B4GALNT3: variants seen among roughly 807,000 people sequenced by gnomAD.
B4GALNT3 encodes beta-1,4-N-acetylgalactosaminyltransferase 3.
In B4GALNT3, 86 loss-of-function variants were observed where a neutral mutation model predicts 120.2. That is an observed-to-expected ratio of 0.72 (90% CI 0.60 to 0.86). The LOEUF (loss-of-function observed/expected upper bound fraction) is 0.86, where lower values mean the gene tolerates loss of function less well. B4GALNT3 is among the 40% of genes least tolerant of loss of function. The pLI, the probability that B4GALNT3 is intolerant of heterozygous loss-of-function variation, is 0.00. For synonymous variants in B4GALNT3, 518 were observed against 510.4 expected, an observed-to-expected ratio of 1.01 and a Z score of -0.20; for missense variants, 1,167 against 1,298.9, an observed-to-expected ratio of 0.90 and a Z score of 1.56.
rs1309903947 is a variant in B4GALNT3, at chr12:460,723, G to C, written c.169+178G>C. On this transcript the variant is annotated intron_variant, in intron 1 of 19. Transcript: ENST00000266383. The surrounding 1 kb of genome is among the most constrained non-coding windows in gnomAD (Gnocchi z 8.0). ...AGAGCTGCGGGCGGGGGAAGCCGCGGGGCCGAGCGCAGAATTCCCGAGCCC... is the reference window on the plus strand; with the variant it reads ...AGAGCTGCGGGCGGGGGAAGCCGCGCGGCCGAGCGCAGAATTCCCGAGCCC... Among the ~76,000 whole-genome samples the C allele has an allele frequency of 2.0e-5, 3 of 152,116 alleles. No individual in the cohort carries two copies. The highest frequency in any genetic ancestry group is 6.5e-5 in the Admixed American group (1 of 15,290).
intron 1 of B4GALNT3, among the ~76,000 whole-genome samples, chr12:472,648 A>G (rs535349451): frequency 9.8e-5 from 15 of 152,322 alleles, no homozygotes; most frequent in African/African-American, 3.4e-4. Flanking sequence ...AGTGTTAGCC[A>G]GGATGGTCTC....
rs193117082 is a variant in B4GALNT3 at position 545,460 on chromosome 12, T to C, written c.630T>C (p.Ser210=). 70 of 1,604,020 alleles carry C rather than the reference T, an allele frequency of 4.4e-5. 1 individual carries two copies. In the Admixed American group the frequency reaches 9.1e-4, roughly 21 times the overall value. ...TCTCAGGCCTCCAGCTGCTGGCCAGTGTGGGCAAGGTAAGGCCAGCTCAAC... is the reference window on the plus strand; with the variant it reads ...TCTCAGGCCTCCAGCTGCTGGCCAGCGTGGGCAAGGTAAGGCCAGCTCAAC... ...DQVSGLQLLA[S]VGKTGKEWTA... The change falls in exon 6 of 20, where the codon AGT becomes AGC. Residue 210 remains serine, a synonymous_variant. Transcript: ENST00000266383.
At chr12:478,267 AAAAAATTAG>A (rs1295289756) in intron 1 of B4GALNT3, among the ~76,000 whole-genome samples, 3 of 106,320 alleles carry the variant, frequency 2.8e-5, no homozygotes, top group African/African-American at 1.2e-4. Context: ...AAAAAAAAAA[AAAAAATTAG>A]AGGAGGTAAA....
intron 1 of B4GALNT3, among the ~76,000 whole-genome samples, chr12:500,178 C>G (rs971892882): frequency 6.6e-6 from 1 of 152,090 alleles, no homozygotes. Flanking sequence ...GGGTCTTGCT[C>G]TGTCACCCAG....
intron 5 of B4GALNT3, 74 bp from the exon 6 acceptor site, chr12:545,295 A>C: frequency 6.5e-7 from 1 of 1,535,944 alleles, no homozygotes. Context: ...AATCGCTAAG[A>C]CACTCACAAA....
intron 5 of B4GALNT3, 73 bp from the exon 6 acceptor site, chr12:545,296 C>T (rs1028552780): frequency 2.5e-5 from 39 of 1,536,442 alleles, no homozygotes; most frequent in Middle Eastern, 3.4e-4. Context: ...ATCGCTAAGA[C>T]ACTCACAAAA....
intron 1 of B4GALNT3, among the ~76,000 whole-genome samples, chr12:478,857 G>A (rs1691915300): frequency 6.6e-6 from 1 of 152,236 alleles, no homozygotes; most frequent in African/African-American, 2.4e-5. Flanking sequence ...TTCAGGATCA[G>A]AGGTTGCTAC....
intron 12 of B4GALNT3, 43 bp from the exon 13 acceptor site, chr12:552,424 G>A (rs370004608): frequency 2.0e-5 from 32 of 1,585,006 alleles, no homozygotes; most frequent in African/African-American, 1.9e-4. Flanking sequence ...GGCTGAGCCC[G>A]CCATGCACCG....
In B4GALNT3 at chr12:467,182, A is replaced by G. The variant is rs142530798; in HGVS notation, c.169+6637A>G. On this transcript the variant is annotated intron_variant, in intron 1 of 19. Coordinates refer to ENST00000266383, the MANE Select transcript of B4GALNT3 (RefSeq NM_173593.4). ...GAGTGCAGTGGTGTGATCTTAGCTT[A>G]TGCAGCCTTGAACTCCTGGGCTCAG... Among the ~76,000 whole-genome samples the G allele has an allele frequency of 8.7e-3, 1,321 of 152,234 alleles. 29 individuals carry two copies. The highest frequency in any genetic ancestry group is 0.03 in the African/African-American group (1,259 of 41,536).
chr12:494,418 A>G (rs1946370741), intron 1 of B4GALNT3, among the ~76,000 whole-genome samples: 1 of 152,126 alleles, frequency 6.6e-6, no homozygotes, highest in Non-Finnish European at 1.5e-5. Context: ...AACCCCTTAC[A>G]TTAAACTAAA....
intron 1 of B4GALNT3, among the ~76,000 whole-genome samples, chr12:480,958 C>T (rs928429552): frequency 2.0e-5 from 3 of 152,214 alleles, no homozygotes; most frequent in Non-Finnish European, 4.4e-5. Context: ...CCTGCCTGCT[C>T]GGCAGCCAAC....
At chr12:547,935 G>A (rs1947028640) in intron 7 of B4GALNT3, 89 bp from the exon 8 acceptor site, 7 of 1,081,074 alleles carry the variant, frequency 6.5e-6, no homozygotes, top group Non-Finnish European at 5.7e-6. Context: ...GGATGAGGGA[G>A]TGTAAGGTGC....
chr12:487,753 A>G (rs1946303628), intron 1 of B4GALNT3, among the ~76,000 whole-genome samples: 1 of 151,800 alleles, frequency 6.6e-6, no homozygotes, highest in East Asian at 1.9e-4. Flanking sequence ...AAGACCAAGA[A>G]GAACAGCCTG....
chr12:544,940 G>A lies in B4GALNT3; in HGVS notation c.506G>A (p.Arg169His), dbSNP rs770313678. ...VSPKWTNYGLRIFGYLHPFTD... is the reference protein window; with the variant it reads ...VSPKWTNYGLHIFGYLHPFTD... ...CCCAAATGGACCAACTATGGCCTCC[G>A]CATCTTTGGCTACCTGCACCCCTTT... Residue 169 changes from arginine (R) to histidine (H), a missense_variant, in exon 5 of 20, where the codon CGC becomes CAC. Coordinates refer to ENST00000266383, the MANE Select transcript of B4GALNT3 (RefSeq NM_173593.4). 8.1e-6 allele frequency: 13 copies of A among 1,613,814 alleles called. No homozygotes were observed. Among genetic ancestry groups the A allele is most frequent in the East Asian group, 2.2e-5 (1 of 44,886 alleles).
intron 1 of B4GALNT3, among the ~76,000 whole-genome samples, chr12:467,775 G>C (rs760284442): frequency 3.2e-4 from 49 of 152,170 alleles, no homozygotes; most frequent in Non-Finnish European, 6.8e-4. Flanking sequence ...GTAGCACCCT[G>C]CCAGGGTGGA....
intron 1 of B4GALNT3, among the ~76,000 whole-genome samples, chr12:512,547 AC>A (rs1362944395): frequency 4.8e-5 from 4 of 82,906 alleles, no homozygotes; most frequent in African/African-American, 2.0e-4. Flanking sequence ...TCAACCTTCC[AC>A]CTTCGACCTT....
chr12:493,969 A>G (rs1051434438), intron 1 of B4GALNT3, among the ~76,000 whole-genome samples: 1 of 152,224 alleles, frequency 6.6e-6, no homozygotes, highest in African/African-American at 2.4e-5. Context: ...ATAGGTCATC[A>G]TTAGAAAAAG....
chr12:528,521 A>G (rs1366640507), intron 1 of B4GALNT3, among the ~76,000 whole-genome samples: 1 of 152,250 alleles, frequency 6.6e-6, no homozygotes, highest in Non-Finnish European at 1.5e-5. Flanking sequence ...TTTTTCTCGC[A>G]TCAAGTTCCC....
chr12:556,603 G>A lies in B4GALNT3; in HGVS notation c.2117G>A (p.Gly706Glu), dbSNP rs1370195690. The change falls in exon 15 of 20, where the codon GGG (glycine) becomes GAG (glutamate). Residue 706 changes from glycine (G) to glutamate (E), a missense_variant. Physicochemically the swap from Gly to Glu is moderately conservative, Grantham distance 98 (BLOSUM62 -2). Transcript: ENST00000266383. Reference sequence around the variant, plus strand: ...GAAAAGCGTCAGGACCAGCTACGTGGGGGTCGCTACCTCCTGGAGCTTGAA... The same window carrying A: ...GAAAAGCGTCAGGACCAGCTACGTGAGGGTCGCTACCTCCTGGAGCTTGAA... ...NVEKRQDQLR[G>E]GRYLLELELL... 1 of 1,614,070 alleles carries A rather than the reference G, an allele frequency of 6.2e-7. No individual in the cohort carries two copies. Among genetic ancestry groups the A allele is most frequent in the Non-Finnish European group, 8.5e-7 (1 of 1,180,044 alleles).
Sources: gnomAD v4.1 joint callset for allele counts (sites outside exome capture counted in the v4.1 genomes callset) on GRCh38, gnomAD v4.1.1 for gene constraint, Gnocchi (gnomAD v3.1) non-coding constraint, MANE v1.5 for transcripts, NCBI Gene and HGNC (gene_info 2026-07-23, HGNC 2026-07-21) for gene names.